The following SAMSN1 variants were observed in gnomAD, a reference collection of about 807,000 sequenced individuals.
SAMSN1 encodes SAM domain, SH3 domain and nuclear localization signals 1.
Under a neutral mutation model 42.0 loss-of-function variants are expected in SAMSN1, and 31 were observed. The observed-to-expected ratio is 0.74, with a 90% CI of 0.55 to 1.00. The LOEUF (loss-of-function observed/expected upper bound fraction) is 1.00. SAMSN1 is among the 50% of genes least tolerant of loss of function. SAMSN1 has a pLI of 0.00. For missense variants in SAMSN1, 464 were observed against 439.4 expected (o/e 1.06, Z -0.50); for synonymous variants, 178 against 151.9 (o/e 1.17, Z -1.26).
upstream of SAMSN1, among the ~76,000 whole-genome samples, chr21:14,547,603 C>T (rs1360532768): frequency 6.6e-6 from 1 of 152,048 alleles, no homozygotes; most frequent in Admixed American, 6.6e-5. Context: ...AAGTGTAGTG[C>T]CATATTCTTA....
At chr21:14,590,688 G>T (rs1008528364) in intron 7 of SAMSN1, among the ~76,000 whole-genome samples, 2 of 152,106 alleles carry the variant, frequency 1.3e-5, no homozygotes, top group Admixed American at 6.6e-5. Context: ...CTGGTAATTT[G>T]TTCTTAGCCA....
chr21:14,612,031 G>A (rs1000696251), intron 4 of SAMSN1, among the ~76,000 whole-genome samples: 2 of 152,070 alleles, frequency 1.3e-5, no homozygotes, highest in East Asian at 1.9e-4. Context: ...TCAAGAGATC[G>A]AGACCATCCT....
chr21:14,547,079 C>G (rs115071768), upstream of SAMSN1, among the ~76,000 whole-genome samples: 3,174 of 152,246 alleles, frequency 0.021, 48 homozygotes, highest in Non-Finnish European at 0.028. Context: ...CAATACTAAT[C>G]CTACTTAAAG....
Position 14,520,616 on chromosome 21 carries a change from C to A in SAMSN1, c.129+534G>T, listed in dbSNP as rs183447926. The stretch of plus-strand genomic sequence containing the variant: ...ACAGGAAACAGCCAACGGTCCCTTG[C>A]GAAACCTCCCCTTCGAGCCTAAAAC... On this transcript the variant is annotated intron_variant, in intron 2 of 7. Coordinates refer to ENST00000400566, the MANE Select transcript of SAMSN1 (RefSeq NM_022136.5). 1.1e-3 allele frequency among the ~76,000 whole-genome samples: 162 copies of A among 152,224 alleles called. 3 individuals are homozygous for A. Among genetic ancestry groups the A allele is most frequent in the Admixed American group, 9.1e-3 (139 of 15,280 alleles).
chr21:14,508,595 T>G (rs1217283086), intron 5 of SAMSN1, among the ~76,000 whole-genome samples: 1 of 152,184 alleles, frequency 6.6e-6, no homozygotes, highest in African/African-American at 2.4e-5. Context: ...GGAACACTTC[T>G]ACACTGCTGG....
chr21:14,486,535 A>G (rs1986446100), intron 7 of SAMSN1, among the ~76,000 whole-genome samples: 2 of 152,228 alleles, frequency 1.3e-5, no homozygotes, highest in African/African-American at 4.8e-5. Context: ...CCAAGTCAAT[A>G]GTGATCTTTG....
intron 1 of SAMSN1, among the ~76,000 whole-genome samples, chr21:14,656,051 A>G (rs1983910783): frequency 6.6e-6 from 1 of 151,814 alleles, no homozygotes; most frequent in Admixed American, 6.6e-5. Context: ...ACAAAATATT[A>G]TTGAAGGCTA....
At chr21:14,541,929 C>T (rs946099782) in intron 1 of SAMSN1, among the ~76,000 whole-genome samples, 1 of 148,992 alleles carries the variant, frequency 6.7e-6, no homozygotes, top group Non-Finnish European at 1.5e-5. Context: ...GGCATGCTGA[C>T]GCTGCAGTGA....
intron 1 of SAMSN1, among the ~76,000 whole-genome samples, chr21:14,648,595 A>G (rs1356270669): frequency 1.3e-5 from 2 of 152,104 alleles, no homozygotes; most frequent in Non-Finnish European, 2.9e-5. Flanking sequence ...CAACCCCATC[A>G]AAAAGTGGGC....
intron 1 of SAMSN1, among the ~76,000 whole-genome samples, chr21:14,543,566 A>G (rs1980182437): frequency 6.6e-6 from 1 of 152,184 alleles, no homozygotes; most frequent in Non-Finnish European, 1.5e-5. Flanking sequence ...AATACTAATA[A>G]CAAAATCTTT....
Position 14,510,359 on chromosome 21 carries a change from T to C in SAMSN1, c.512A>G (p.His171Arg), listed in dbSNP as rs1287968731. 6.2e-7 allele frequency: 1 copy of C among 1,614,154 alleles called. No homozygotes were observed. Among genetic ancestry groups the C allele is most frequent in the Admixed American group, 1.7e-5 (1 of 60,032 alleles). ...ATAGGGACTTGGCGTGAAATCCGTA[T>C]GCACTCTGGCACGGCCACAGAATGG... is the stretch of plus-strand genomic sequence containing the variant. ...SGPFCGRARV[H>R]TDFTPSPYDT... Residue 171 changes from histidine to arginine, a missense_variant, in exon 5 of 8, where the codon CAT becomes CGT. By Grantham distance (29) the His-to-Arg change is conservative. Transcript: ENST00000400566.
intron 1 of SAMSN1, among the ~76,000 whole-genome samples, chr21:14,655,258 G>C (rs1242010395): frequency 6.6e-6 from 1 of 151,548 alleles, no homozygotes; most frequent in Non-Finnish European, 1.5e-5. Flanking sequence ...GTTCACTTAG[G>C]GTGCAGCATA....
At chr21:14,498,651 T>C (rs1987008340) in intron 6 of SAMSN1, 59 bp from the exon 7 acceptor site, 1 of 1,374,918 alleles carries the variant, frequency 7.3e-7, no homozygotes, top group African/African-American at 1.5e-5. Flanking sequence ...TTTTTAGTTC[T>C]CTTTAGATTT....
At chr21:14,520,712 A>T (rs1181653713) in intron 2 of SAMSN1, among the ~76,000 whole-genome samples, 23 of 152,030 alleles carry the variant, frequency 1.5e-4, no homozygotes, top group Non-Finnish European at 3.4e-4. Context: ...ATTCTCTCTT[A>T]ATAATGCCCA....
At chr21:14,544,660 ATTT>A (rs550296380) in intron 1 of SAMSN1, among the ~76,000 whole-genome samples, 1 of 152,012 alleles carries the variant, frequency 6.6e-6, no homozygotes, top group Non-Finnish European at 1.5e-5. Context: ...TTTTTTCAAA[ATTT>A]TTTTTATTTT....
Position 14,512,491 on chromosome 21 carries a change from T to G in SAMSN1, c.362A>C (p.Lys121Thr), listed in dbSNP as rs60792423. ...IGTHTEKVSL[K>T]ASDSMDSLYS... The stretch of plus-strand genomic sequence containing the variant: ...GAGACTATCCATGGAGTCACTGGCT[T>G]TGAGGGACACCTTCTCTGTGTGGGT... The change falls in exon 4 of 8, where the codon AAA becomes ACA. Residue 121 changes from lysine (K) to threonine (T), a missense_variant. By Grantham distance (78) the Lys-to-Thr change is moderately conservative (BLOSUM62 -1). Transcript: ENST00000400566. 1.1e-4 allele frequency: 178 copies of G among 1,613,984 alleles called. No individual in the cohort carries two copies. In the East Asian group the frequency reaches 3.9e-3, roughly 36 times the overall value.
chr21:14,591,866 C>T (rs1172566139), intron 7 of SAMSN1: 1 of 152,100 alleles, frequency 6.6e-6, no homozygotes, highest in Admixed American at 6.6e-5. Flanking sequence ...GAATAACATG[C>T]CCTCTGAGAA....
upstream of SAMSN1, among the ~76,000 whole-genome samples, chr21:14,549,386 A>T (rs912550117): frequency 9.2e-5 from 14 of 152,140 alleles, no homozygotes; most frequent in African/African-American, 3.4e-4. Flanking sequence ...CAATGGATGA[A>T]GGGTTTTAAA....
Position 14,516,938 on chromosome 21 carries a change from T to G in SAMSN1, c.233A>C (p.Lys78Thr). The G allele has an allele frequency of 1.9e-6, 3 of 1,613,244 alleles. No individual in the cohort carries two copies. Among genetic ancestry groups the G allele is most frequent in the Non-Finnish European group, 2.5e-6 (3 of 1,179,590 alleles). Residue 78 changes from lysine to threonine, a missense_variant, in exon 3 of 8, where the codon AAG becomes ACG. By Grantham distance (78) the Lys-to-Thr change is moderately conservative. Coordinates refer to ENST00000400566, the MANE Select transcript of SAMSN1 (RefSeq NM_022136.5). ...GATGTACTTTTTACCCACTTTTTTC[T>G]TCATTGTCCATGAAATAGCTCTCAT... Reference protein sequence around the residue: ...KKMRAISWTMKKKVGKKYIKA... With the variant: ...KKMRAISWTMTKKVGKKYIKA...
Sources: gnomAD v4.1 joint callset for allele counts (sites outside exome capture counted in the v4.1 genomes callset) on GRCh38, gnomAD v4.1.1 for gene constraint, MANE v1.5 for transcripts, NCBI Gene and HGNC (gene_info 2026-07-23, HGNC 2026-07-21) for gene names.